The following SPDYE5 variants were observed in gnomAD, a reference collection of about 807,000 sequenced individuals.
SPDYE5 encodes speedy/RINGO cell cycle regulator family member E5.
SPDYE5 carries 15 observed loss-of-function variants against 48.5 expected under a neutral mutation model. That is an observed-to-expected ratio of 0.31 (90% CI 0.21 to 0.48). The LOEUF is 0.48. Among genes scored for constraint, SPDYE5 ranks in the 20% least tolerant of loss-of-function variants. SPDYE5 has a pLI of 0.99. For synonymous variants in SPDYE5, 116 were observed against 200.7 expected (o/e 0.58, Z 3.57); for missense variants, 331 against 549.1 (o/e 0.60, Z 3.97).
chr7:75,496,696 C>T lies in SPDYE5; in HGVS notation c.402C>T (p.Pro134=), dbSNP rs782351312. The T allele has an allele frequency of 6.3e-7, 1 of 1,597,220 alleles. No homozygotes were observed. ...SQLAPGVDPS[P]PHRSFCWKRK... is the part of the protein sequence containing the mutation. ...CAGCCCCTGGGGTAGATCCCAGCCC[C>T]CCGCATAGGTCCTTTTGCTGGAAAA... Residue 134 remains proline (P), a synonymous_variant, in exon 4 of 9, where the codon CCC becomes CCT. Transcript: ENST00000625065.
At chr7:75,491,829 C>T (rs1312058829), upstream of SPDYE5, among the ~76,000 whole-genome samples, 2 of 150,156 alleles carry the variant, frequency 1.3e-5, no homozygotes, top group Non-Finnish European at 2.9e-5. Context: ...TCTCCTGCCT[C>T]GGCCTCCTAA....
At chr7:75,500,667 C>T (rs1325103327) in intron 6 of SPDYE5, among the ~76,000 whole-genome samples, 4 of 151,900 alleles carry the variant, frequency 2.6e-5, no homozygotes, top group East Asian at 1.9e-4. Context: ...TTTATTAGCT[C>T]CGACTACAGG....
At chr7:75,496,412 A>C (rs1294070340) in intron 3 of SPDYE5, among the ~76,000 whole-genome samples, 7 of 124,358 alleles carry the variant, frequency 5.6e-5, no homozygotes, top group African/African-American at 1.5e-4. Flanking sequence ...AACAAAAAAA[A>C]AAAAAAAAAA....
intron 1 of SPDYE5, among the ~76,000 whole-genome samples, 34 bp downstream of exon 1, chr7:75,492,475 G>T (rs1468001488): frequency 6.6e-6 from 1 of 152,122 alleles, no homozygotes; most frequent in Non-Finnish European, 1.5e-5. Flanking sequence ...AGTTTTGCTC[G>T]TTGCCCAGAC....
rs782649579 is a variant in SPDYE5, at chr7:75,496,648, C to T, written c.380-26C>T. 31 of 1,597,546 alleles carry T rather than the reference C, an allele frequency of 1.9e-5. No homozygotes were observed. In the African/African-American group the frequency reaches 2.8e-4, roughly 14 times the overall value. Reference sequence around the variant, plus strand: ...AGTGTGATCAACTGCAGAAGCATTACACCATGGCCTGGTTTCTTTACTCAG... The same window carrying T: ...AGTGTGATCAACTGCAGAAGCATTATACCATGGCCTGGTTTCTTTACTCAG... On this transcript the variant is annotated intron_variant, in intron 3 of 8. Coordinates refer to ENST00000625065, the MANE Select transcript of SPDYE5 (RefSeq NM_001306141.4).
chr7:75,492,971 G>C (rs1171706156), intron 1 of SPDYE5, among the ~76,000 whole-genome samples: 1 of 151,636 alleles, frequency 6.6e-6, no homozygotes, highest in Non-Finnish European at 1.5e-5. Flanking sequence ...AATTTGGTTT[G>C]GTTTTGTTTT....
chr7:75,502,287 G>A (rs782126268), intron 8 of SPDYE5, among the ~76,000 whole-genome samples: 1 of 138,564 alleles, frequency 7.2e-6, no homozygotes, highest in Non-Finnish European at 1.5e-5. Flanking sequence ...ATACTGAGTT[G>A]GGGGAGGTTC....
Position 75,496,702 on chromosome 7 carries a change from T to C in SPDYE5, c.408T>C (p.His136=). The change falls in exon 4 of 9, where the codon CAT becomes CAC. Residue 136 remains histidine (H), a synonymous_variant. Coordinates refer to ENST00000625065, the MANE Select transcript of SPDYE5 (RefSeq NM_001306141.4). ...LAPGVDPSPP[H]RSFCWKRKME... is the part of the protein sequence containing the mutation. ...CTGGGGTAGATCCCAGCCCCCCGCA[T>C]AGGTCCTTTTGCTGGAAAAGGAAGA... is the stretch of plus-strand genomic sequence containing the variant. The C allele has an allele frequency of 6.3e-7, 1 of 1,596,908 alleles. No individual in the cohort carries two copies. The highest frequency in any genetic ancestry group is 8.5e-7 in the Non-Finnish European group (1 of 1,179,662).
intron 5 of SPDYE5, among the ~76,000 whole-genome samples, chr7:75,498,294 TTG>T (rs1793014018): frequency 1.3e-5 from 2 of 151,816 alleles, no homozygotes; most frequent in Non-Finnish European, 2.9e-5. Context: ...TGGCTAATTT[TTG>T]TGTTTTTAGT....
In SPDYE5 at chr7:75,497,986, T is replaced by C; in HGVS notation, c.659T>C (p.Val220Ala). Residue 220 changes from valine (V) to alanine (A), a missense_variant, in exon 5 of 9, where the codon GTG (valine) becomes GCG (alanine). Val to Ala is a moderately conservative substitution (Grantham distance 64, BLOSUM62 0). Around this residue, in one of 8 missense-constraint regions of SPDYE5, gnomAD observed 16 missense variants for 58.2 expected, o/e 0.27. Transcript: ENST00000625065. ...RFLAWDKDLR[V>A]SDKYLLAMVI... ...CTGGCCTGGGACAAAGATCTGAGGGTGTCGGACAAGGTAAGGTTGTTCTCC... is the reference window on the plus strand; with the variant it reads ...CTGGCCTGGGACAAAGATCTGAGGGCGTCGGACAAGGTAAGGTTGTTCTCC... 6.3e-7 allele frequency: 1 copy of C among 1,596,440 alleles called. No individual in the cohort carries two copies. The highest frequency in any genetic ancestry group is 8.5e-7 in the Non-Finnish European group (1 of 1,179,484).
At chr7:75,502,190 A>T (rs1420737234) in intron 8 of SPDYE5, among the ~76,000 whole-genome samples, 2 of 150,664 alleles carry the variant, frequency 1.3e-5, no homozygotes, top group Non-Finnish European at 1.5e-5. Context: ...TGGAGCCTGG[A>T]AGGTCGGGGC....
upstream of SPDYE5, among the ~76,000 whole-genome samples, chr7:75,492,247 A>G (rs2599339): frequency 3.0e-4 from 46 of 152,308 alleles, no homozygotes; most frequent in East Asian, 7.5e-3. Context: ...TTTGTTGTAG[A>G]AGGACCCACC....
intron 2 of SPDYE5, 75 bp from the exon 3 acceptor site, chr7:75,495,081 G>C (rs1554482290): frequency 1.3e-6 from 2 of 1,561,644 alleles, no homozygotes; most frequent in African/African-American, 2.7e-5. Flanking sequence ...ATGGAGAGTG[G>C]TTTGGGGTTT....
chr7:75,494,444 G>C (rs1792849111), intron 2 of SPDYE5, among the ~76,000 whole-genome samples: 1 of 151,104 alleles, frequency 6.6e-6, no homozygotes, highest in African/African-American at 2.4e-5. Context: ...CTACTCAGGA[G>C]GCTGAGACAG....
upstream of SPDYE5, among the ~76,000 whole-genome samples, chr7:75,491,703 T>TTTTTTA (rs1792740110): frequency 1.3e-4 from 2 of 15,892 alleles, no homozygotes; most frequent in African/African-American, 1.9e-4. Flanking sequence ...TGTTTAGCCA[T>TTTTTTA]TTTTTTTTTT....
chr7:75,495,386 C>A lies in SPDYE5; in HGVS notation c.379+12C>A. The A allele has an allele frequency of 1.4e-5, 23 of 1,597,408 alleles. No individual in the cohort carries two copies. Among genetic ancestry groups the A allele is most frequent in the Non-Finnish European group, 1.9e-5 (23 of 1,179,796 alleles). The stretch of plus-strand genomic sequence containing the variant: ...CAACAGTCAGCTTGGTAGGAGGACA[C>A]CCCAGAGAGCACCTCCAATCCTGTT... On this transcript the variant is annotated intron_variant, in intron 3 of 8. Transcript: ENST00000625065.
At chr7:75,502,701 T>A in intron 8 of SPDYE5, 132 bp from the exon 9 acceptor site, 2 of 1,152,288 alleles carry the variant, frequency 1.7e-6, no homozygotes, top group Non-Finnish European at 2.2e-6. Flanking sequence ...AAGCAGGGTA[T>A]AGAATGAAAG....
At chr7:75,498,918 T>A (rs1274032679) in intron 5 of SPDYE5, among the ~76,000 whole-genome samples, 2 of 151,600 alleles carry the variant, frequency 1.3e-5, no homozygotes, top group African/African-American at 4.8e-5. Flanking sequence ...TCTCAGCTCT[T>A]CAGGACAGTT....
At chr7:75,501,286 C>T (rs1232789872) in intron 6 of SPDYE5, 76 bp from the exon 7 acceptor site, 1 of 1,604,768 alleles carries the variant, frequency 6.2e-7, no homozygotes, top group Admixed American at 1.7e-5. Flanking sequence ...CCTTACCTTC[C>T]TCTCTGGGAA....
Sources: gnomAD v4.1 joint callset for allele counts (sites outside exome capture counted in the v4.1 genomes callset) on GRCh38, gnomAD v4.1.1 for gene constraint, gnomAD v4.1.1 regional missense constraint, MANE v1.5 for transcripts, NCBI Gene and HGNC (gene_info 2026-07-23, HGNC 2026-07-21) for gene names.